Variants in ARHGAP32 observed in about 807,000 individuals in gnomAD.
ARHGAP32 encodes Rho GTPase activating protein 32.
A neutral mutation model predicts 186.5 loss-of-function variants in ARHGAP32; 51 were observed. The ratio of observed to expected loss-of-function variants is 0.27; its 90% CI spans 0.22 to 0.35. ARHGAP32 has a LOEUF of 0.35. ARHGAP32 is among the 10% of genes least tolerant of loss of function. The probability of loss-of-function intolerance (pLI) is 1.00; values close to 1 mark genes in which losing one functional copy is unlikely to be tolerated. For missense variants in ARHGAP32, 2,186 were observed against 2,623.5 expected (o/e 0.83, Z 3.64); for synonymous variants, 950 against 964.3 (o/e 0.99, Z 0.27).
At chr11:129,200,740 T>C (rs542776074) in intron 1 of ARHGAP32, among the ~76,000 whole-genome samples, 7 of 152,140 alleles carry the variant, frequency 4.6e-5, no homozygotes, top group African/African-American at 9.7e-5. Flanking sequence ...ATGTATAAAA[T>C]AGAAACAATG....
chr11:129,128,329 A>C (rs1942710350), intron 2 of ARHGAP32, among the ~76,000 whole-genome samples: 1 of 152,324 alleles, frequency 6.6e-6, no homozygotes, highest in South Asian at 2.1e-4. Flanking sequence ...TTGAGCATGA[A>C]GCCAATGGAA....
intron 2 of ARHGAP32, among the ~76,000 whole-genome samples, chr11:129,153,288 T>C (rs1170062543): frequency 3.3e-5 from 5 of 152,100 alleles, no homozygotes; most frequent in African/African-American, 7.2e-5. Flanking sequence ...AGAATCAATA[T>C]TGTGAAAATG....
intron 2 of ARHGAP32, among the ~76,000 whole-genome samples, chr11:129,143,072 CAT>C (rs145242519): frequency 1.7e-4 from 19 of 112,406 alleles, no homozygotes; most frequent in Admixed American, 3.3e-4. Flanking sequence ...GGTAAAACTG[CAT>C]ATATATATAT....
rs538542961 is a variant in ARHGAP32, at chr11:129,174,264, T to C, written c.117-9837A>G. ...TAAAAAATGGCGCACCAGGACATTA[T>C]ATCCCGCACATGGCTCGGAGGGTCC... On this transcript the variant is annotated intron_variant, in intron 1 of 22. Transcript: ENST00000682385. Among the ~76,000 whole-genome samples the C allele has an allele frequency of 1.9e-4, 29 of 152,308 alleles. No individual in the cohort carries two copies. The South Asian group carries it at 5.6e-3, about 29-fold the overall frequency.
chr11:129,057,470 G>A (rs1940298020), intron 10 of ARHGAP32, among the ~76,000 whole-genome samples: 1 of 151,900 alleles, frequency 6.6e-6, no homozygotes, highest in South Asian at 2.1e-4. Context: ...ATCTATTATG[G>A]GCTAAAAATT....
chr11:129,215,970 G>C (rs1303334599), intron 1 of ARHGAP32, among the ~76,000 whole-genome samples: 1 of 152,126 alleles, frequency 6.6e-6, no homozygotes. Context: ...AGGGGGTCTG[G>C]ACACAGAGGA....
chr11:129,247,727 TA>T (rs1168169500), intron 1 of ARHGAP32, among the ~76,000 whole-genome samples: 2 of 151,894 alleles, frequency 1.3e-5, no homozygotes, highest in Admixed American at 6.6e-5. Flanking sequence ...GTTTTCAGGA[TA>T]AAAAAAACTC....
intron 11 of ARHGAP32, among the ~76,000 whole-genome samples, chr11:129,019,215 A>G (rs1010330828): frequency 1.3e-5 from 2 of 152,176 alleles, no homozygotes; most frequent in Non-Finnish European, 2.9e-5. Context: ...TCCCAGTCCT[A>G]CAAAGGCAGT....
chr11:129,258,562 A>G (rs1395033422), intron 1 of ARHGAP32, among the ~76,000 whole-genome samples: 1 of 152,102 alleles, frequency 6.6e-6, no homozygotes, highest in Non-Finnish European at 1.5e-5. Flanking sequence ...CCTTCACCCC[A>G]AATCTCTGCC....
At chr11:129,269,347 T>C (rs561577072) in intron 1 of ARHGAP32, among the ~76,000 whole-genome samples, 1 of 152,040 alleles carries the variant, frequency 6.6e-6, no homozygotes, top group African/African-American at 2.4e-5. Flanking sequence ...TGGGATGATA[T>C]AAAAGAAAGA....
intron 1 of ARHGAP32, among the ~76,000 whole-genome samples, chr11:129,170,832 T>C (rs1943744294): frequency 6.6e-6 from 1 of 152,218 alleles, no homozygotes; most frequent in Non-Finnish European, 1.5e-5. Context: ...CCAGCATCTA[T>C]TGTTTCCTGA....
chr11:129,150,776 A>C (rs191855143), intron 2 of ARHGAP32, among the ~76,000 whole-genome samples: 27 of 152,280 alleles, frequency 1.8e-4, no homozygotes, highest in Admixed American at 1.6e-3. Flanking sequence ...TTAAAGCATA[A>C]ATTTCACAGG....
intron 1 of ARHGAP32, among the ~76,000 whole-genome samples, chr11:129,238,603 T>G (rs1216040283): frequency 2.6e-5 from 4 of 152,042 alleles, no homozygotes; most frequent in Admixed American, 2.6e-4. Context: ...GCAAATTGGG[T>G]GTGGTGGCAC....
chr11:129,182,275 G>C (rs1768195863), intron 1 of ARHGAP32, among the ~76,000 whole-genome samples: 1 of 151,856 alleles, frequency 6.6e-6, no homozygotes, highest in South Asian at 2.1e-4. Flanking sequence ...AAATATATCT[G>C]AAAAACAAAT....
intron 11 of ARHGAP32, among the ~76,000 whole-genome samples, chr11:129,027,149 T>TCTGC (rs1181726545): frequency 1.3e-5 from 2 of 151,562 alleles, no homozygotes; most frequent in African/African-American, 2.4e-5. Flanking sequence ...TCACAGCATG[T>TCTGC]CTGCAAATTC....
At position 128,970,098 on chromosome 11, in the gene ARHGAP32, G is replaced by A; in HGVS notation, c.5115C>T (p.Phe1705=). ...LHRLPNRDFA[F]YNPRLQGKSL... is the part of the protein sequence containing the mutation. Reference sequence around the variant, plus strand: ...TCTTTCCTTGCAGCCTAGGATTGTAGAAAGCAAAGTCTCGATTGGGAAGGC... The same window carrying A: ...TCTTTCCTTGCAGCCTAGGATTGTAAAAAGCAAAGTCTCGATTGGGAAGGC... The change falls in exon 23 of 23, where the codon TTC becomes TTT. Residue 1705 remains phenylalanine, a synonymous_variant. Transcript: ENST00000682385. The surrounding 1 kb of genome is among the most constrained non-coding windows in gnomAD (Gnocchi z 5.8). The A allele has an allele frequency of 6.2e-7, 1 of 1,614,178 alleles. No individual in the cohort carries two copies. The highest frequency in any genetic ancestry group is 1.7e-5 in the Admixed American group (1 of 60,030).
At chr11:129,225,762 A>T (rs1412210247) in intron 1 of ARHGAP32, among the ~76,000 whole-genome samples, 1 of 152,334 alleles carries the variant, frequency 6.6e-6, no homozygotes, top group East Asian at 1.9e-4. Flanking sequence ...AGGGAAAAAC[A>T]ATCAATAGAA....
At chr11:129,186,751 C>G (rs1036986033) in intron 1 of ARHGAP32, among the ~76,000 whole-genome samples, 3 of 151,978 alleles carry the variant, frequency 2.0e-5, no homozygotes, top group African/African-American at 7.2e-5. Flanking sequence ...GGCAAACAAG[C>G]GTAGGAAAAA....
chr11:129,179,277 T>C (rs1178633031), intron 1 of ARHGAP32, among the ~76,000 whole-genome samples: 1 of 152,112 alleles, frequency 6.6e-6, no homozygotes, highest in East Asian at 1.9e-4. Flanking sequence ...TGGCAATCAT[T>C]AAAAAGTCAG....
Sources: gnomAD v4.1 joint callset for allele counts (sites outside exome capture counted in the v4.1 genomes callset) on GRCh38, gnomAD v4.1.1 for gene constraint, Gnocchi (gnomAD v3.1) non-coding constraint, MANE v1.5 for transcripts, NCBI Gene and HGNC (gene_info 2026-07-23, HGNC 2026-07-21) for gene names.